The following FLT3 variants were observed in gnomAD, a reference collection of about 807,000 sequenced individuals.
FLT3 encodes receptor-type tyrosine-protein kinase FLT3.
FLT3 carries 46 observed loss-of-function variants against 126.6 expected under a neutral mutation model. The ratio of observed to expected loss-of-function variants is 0.36; its 90% CI spans 0.29 to 0.46. The LOEUF (loss-of-function observed/expected upper bound fraction) is 0.46, where lower values mean the gene tolerates loss of function less well. Ranked by LOEUF, FLT3 falls within the 20% of genes least tolerant of loss-of-function variation. The pLI is 1.00. For synonymous variants in FLT3, 404 were observed against 434.4 expected (o/e 0.93, Z 0.87); for missense variants, 1,069 against 1,190.3 (o/e 0.90, Z 1.50).
chr13:28,079,476 T>A (rs1878180329), intron 1 of FLT3, among the ~76,000 whole-genome samples: 1 of 152,186 alleles, frequency 6.6e-6, no homozygotes, highest in African/African-American at 2.4e-5. Context: ...TTTTCAGGTA[T>A]CTTTTCAGCA....
At chr13:28,050,546 GAA>G (rs993879771) in intron 5 of FLT3, among the ~76,000 whole-genome samples, 1 of 151,862 alleles carries the variant, frequency 6.6e-6, no homozygotes, top group African/African-American at 2.4e-5. Flanking sequence ...GAAGATAAAG[GAA>G]AAAAAGAGAA....
intron 23 of FLT3, among the ~76,000 whole-genome samples, chr13:28,009,647 G>A (rs1327791703): frequency 2.0e-5 from 3 of 151,870 alleles, no homozygotes; most frequent in South Asian, 2.1e-4. Context: ...AGCCATGACC[G>A]CTCCCCAGAC....
intron 15 of FLT3, among the ~76,000 whole-genome samples, chr13:28,032,729 G>A (rs1341804754): frequency 1.3e-5 from 2 of 152,200 alleles, no homozygotes; most frequent in African/African-American, 4.8e-5. Context: ...AAAGGACTGA[G>A]AAGGGCAGAG....
intron 2 of FLT3, among the ~76,000 whole-genome samples, chr13:28,065,645 G>GTAATAATAATAATAA (rs35748326): frequency 8.3e-5 from 9 of 108,330 alleles, no homozygotes; most frequent in African/African-American, 3.5e-4. Flanking sequence ...TTGTCTCAAA[G>GTAATAATAATAATAA]TAATAATAAT....
intron 19 of FLT3, among the ~76,000 whole-genome samples, 179 bp downstream of exon 19, chr13:28,023,170 AG>A (rs1357672433): frequency 6.6e-6 from 1 of 152,232 alleles, no homozygotes; most frequent in Non-Finnish European, 1.5e-5. Flanking sequence ...AAGGGATCCC[AG>A]GCCTTTATGC....
chr13:28,031,042 C>A (rs887150799), intron 15 of FLT3, among the ~76,000 whole-genome samples: 1 of 151,998 alleles, frequency 6.6e-6, no homozygotes, highest in South Asian at 2.1e-4. Context: ...CTGGCTAACA[C>A]GGTGAAACTC....
At chr13:28,095,777 C>A (rs1879411661) in intron 1 of FLT3, among the ~76,000 whole-genome samples, 1 of 152,138 alleles carries the variant, frequency 6.6e-6, no homozygotes, top group African/African-American at 2.4e-5. Flanking sequence ...TACTGTCACC[C>A]TGCTTGCCGA....
At chr13:28,046,116 T>G (rs942202429) in intron 9 of FLT3, among the ~76,000 whole-genome samples, 28 of 151,978 alleles carry the variant, frequency 1.8e-4, no homozygotes, top group African/African-American at 6.8e-4. Context: ...ATTATCCAGC[T>G]CAACATGCCA....
In FLT3 at chr13:28,094,171, GT is replaced by G. The variant is rs1879302665; in HGVS notation, c.43+6296del. Among the ~76,000 whole-genome samples the G allele has an allele frequency of 3.3e-5, 5 of 152,282 alleles. No homozygotes were observed. The South Asian group carries it at 1.0e-3, about 32-fold the overall frequency. On this transcript the variant is annotated intron_variant, in intron 1 of 23. Coordinates refer to ENST00000241453, the MANE Select transcript of FLT3 (RefSeq NM_004119.3). ...AGAAAACAGCACGTTTCTTAAATGT[GT>G]TTTTAGTCCTAATATATCTATGGGC...
intron 2 of FLT3, among the ~76,000 whole-genome samples, chr13:28,070,222 G>A (rs56245749): frequency 3.9e-5 from 6 of 152,134 alleles, no homozygotes; most frequent in African/African-American, 9.6e-5. Flanking sequence ...AACCATCCCC[G>A]CTGTATACCA....
intron 1 of FLT3, among the ~76,000 whole-genome samples, chr13:28,087,504 T>G (rs1476681792): frequency 6.6e-6 from 1 of 152,212 alleles, no homozygotes; most frequent in Non-Finnish European, 1.5e-5. Context: ...CCTTTTGTAG[T>G]TGTCATAAGT....
intron 1 of FLT3, among the ~76,000 whole-genome samples, chr13:28,091,423 G>T (rs1407533028): frequency 6.7e-6 from 1 of 149,100 alleles, no homozygotes; most frequent in Non-Finnish European, 1.5e-5. Flanking sequence ...GGGTTTCACC[G>T]TGTTAGCCAG....
intron 1 of FLT3, 135 bp from the exon 2 acceptor site, chr13:28,070,747 T>C (rs1470785425): frequency 6.1e-6 from 4 of 657,106 alleles, no homozygotes; most frequent in South Asian, 1.9e-5. Flanking sequence ...TGTAGGAAAT[T>C]TGATTTTATG....
At chr13:28,026,063 A>C (rs9554222) in intron 17 of FLT3, among the ~76,000 whole-genome samples, 5,734 of 152,284 alleles carry the variant, frequency 0.038, 232 homozygotes, top group South Asian at 0.18. Flanking sequence ...GAACGCGCCA[A>C]GGCTCAGCCA....
intron 19 of FLT3, among the ~76,000 whole-genome samples, chr13:28,018,804 G>T (rs1011907408): frequency 3.3e-5 from 5 of 152,086 alleles, no homozygotes; most frequent in Admixed American, 2.6e-4. Flanking sequence ...TTCTTTGTGC[G>T]GCTTCTGAAG....
At chr13:28,096,174 G>A (rs975006432) in intron 1 of FLT3, among the ~76,000 whole-genome samples, 11 of 152,074 alleles carry the variant, frequency 7.2e-5, no homozygotes, top group African/African-American at 2.7e-4. Context: ...AGACAATACA[G>A]TGAAACCCCA....
intron 1 of FLT3, among the ~76,000 whole-genome samples, chr13:28,076,015 TG>T (rs763038577): frequency 1.3e-5 from 2 of 152,120 alleles, no homozygotes; most frequent in African/African-American, 2.4e-5. Context: ...CAGGCTGGTC[TG>T]GAACTCCTGA....
intron 1 of FLT3, 21 bp from the exon 2 acceptor site, chr13:28,070,633 G>C: frequency 6.4e-7 from 1 of 1,560,216 alleles, no homozygotes; most frequent in Non-Finnish European, 8.8e-7. Flanking sequence ...AAATAAAAAT[G>C]ATAATGTTGA....
At chr13:28,082,292 A>G (rs927642435) in intron 1 of FLT3, among the ~76,000 whole-genome samples, 1 of 152,118 alleles carries the variant, frequency 6.6e-6, no homozygotes, top group Non-Finnish European at 1.5e-5. Flanking sequence ...CTAGGACTAC[A>G]TGCACATACC....
Sources: allele counts gnomAD v4.1 joint callset (sites outside exome capture counted in the v4.1 genomes callset), GRCh38; gene constraint gnomAD v4.1.1; transcripts MANE v1.5; gene names NCBI Gene and HGNC (gene_info 2026-07-23, HGNC 2026-07-21).